The following ATG4C variants were observed in gnomAD, a reference collection of about 807,000 sequenced individuals.
ATG4C encodes cysteine protease ATG4C.
Under a neutral mutation model 57.6 loss-of-function variants are expected in ATG4C, and 56 were observed. The ratio of observed to expected loss-of-function variants is 0.97; its 90% confidence interval spans 0.78 to 1.21. ATG4C has a LOEUF of 1.21. ATG4C is among the 50% of genes most tolerant of loss of function. ATG4C has a pLI of 0.00. For missense variants in ATG4C, 595 were observed against 529.8 expected (o/e 1.12, Z -1.21); for synonymous variants, 157 against 174.1 (o/e 0.90, Z 0.78).
intron 1 of ATG4C, among the ~76,000 whole-genome samples, chr1:62,802,661 T>C (rs1160512869): frequency 6.6e-6 from 1 of 152,142 alleles, no homozygotes; most frequent in Non-Finnish European, 1.5e-5. Flanking sequence ...GCTCTTAGGA[T>C]AAAGAACAAA....
chr1:62,846,381 A>G (rs1367356562), intron 10 of ATG4C, among the ~76,000 whole-genome samples: 1 of 152,200 alleles, frequency 6.6e-6, no homozygotes, highest in Non-Finnish European at 1.5e-5. Context: ...GGAATAGCTT[A>G]GGGCTTATCC....
At chr1:62,788,064 T>G (rs1376777923) in intron 1 of ATG4C, among the ~76,000 whole-genome samples, 2 of 152,170 alleles carry the variant, frequency 1.3e-5, no homozygotes, top group Non-Finnish European at 2.9e-5. Flanking sequence ...GTTCTGAGAT[T>G]ATGTGTAGTT....
At chr1:62,837,968 G>GT (rs1666047565) in intron 9 of ATG4C, among the ~76,000 whole-genome samples, 1 of 152,098 alleles carries the variant, frequency 6.6e-6, no homozygotes, top group African/African-American at 2.4e-5. Flanking sequence ...TTATCAGTAG[G>GT]TACTTTTTAC....
At chr1:62,858,452 AT>A (rs1319144479) in intron 10 of ATG4C, among the ~76,000 whole-genome samples, 1 of 152,208 alleles carries the variant, frequency 6.6e-6, no homozygotes, top group Admixed American at 6.5e-5. Flanking sequence ...AACATGGATG[AT>A]AAGCCTAGCA....
chr1:62,841,607 C>T, intron 10 of ATG4C, 60 bp downstream of exon 10: 1 of 1,347,536 alleles, frequency 7.4e-7, no homozygotes, highest in Non-Finnish European at 1.0e-6. Context: ...AACAGACTGT[C>T]AGAAAGCAAA....
At chr1:62,821,583 C>G (rs955432165) in intron 6 of ATG4C, among the ~76,000 whole-genome samples, 1 of 152,090 alleles carries the variant, frequency 6.6e-6, no homozygotes, top group South Asian at 2.1e-4. Context: ...GAATATATTT[C>G]TCACTAATAC....
At chr1:62,797,972 A>T (rs1348136226) in intron 1 of ATG4C, among the ~76,000 whole-genome samples, 1 of 152,094 alleles carries the variant, frequency 6.6e-6, no homozygotes. Context: ...GGCGCGTGCC[A>T]CCACACCTGG....
At chr1:62,837,359 G>C (rs947043533) in intron 9 of ATG4C, among the ~76,000 whole-genome samples, 1 of 152,130 alleles carries the variant, frequency 6.6e-6, no homozygotes, top group Non-Finnish European at 1.5e-5. Flanking sequence ...GAGGAATGGA[G>C]CACATGGTTC....
rs550971713 is a variant in ATG4C, at chr1:62,810,039, G to C, written c.160+4784G>C. On this transcript the variant is annotated intron_variant, in intron 3 of 10. Coordinates refer to ENST00000317868, the MANE Select transcript of ATG4C (RefSeq NM_032852.4). ...AAAATAGAGAATATGTTTAACTTAC[G>C]ACCCAACATTTCTAAGACGCTTAAG... Among the ~76,000 whole-genome samples, 309 of 151,948 alleles carry C rather than the reference G, an allele frequency of 2.0e-3. 2 individuals are homozygous for C. The highest frequency in any genetic ancestry group is 0.012 in the Admixed American group (185 of 15,276).
At chr1:62,814,304 A>G (rs1327713152) in intron 3 of ATG4C, among the ~76,000 whole-genome samples, 1 of 152,198 alleles carries the variant, frequency 6.6e-6, no homozygotes, top group Admixed American at 6.5e-5. Flanking sequence ...AGGGACATGG[A>G]TGAAGCTGGA....
chr1:62,806,599 TAGA>T (rs1309310013), intron 3 of ATG4C, among the ~76,000 whole-genome samples: 1 of 151,556 alleles, frequency 6.6e-6, no homozygotes, highest in African/African-American at 2.4e-5. Context: ...ATGAGGGAAA[TAGA>T]AGACTTCTTT....
chr1:62,827,946 A>G (rs148050622), intron 6 of ATG4C, among the ~76,000 whole-genome samples: 154 of 152,292 alleles, frequency 1.0e-3, no homozygotes, highest in African/African-American at 3.2e-3. Flanking sequence ...TGCTAAGGAT[A>G]ATGGCCTCCA....
intron 9 of ATG4C, among the ~76,000 whole-genome samples, chr1:62,838,672 C>G (rs1666073892): frequency 6.6e-6 from 1 of 151,436 alleles, no homozygotes; most frequent in South Asian, 2.1e-4. Flanking sequence ...CCCAGCTACT[C>G]GAGAGGCTGA....
chr1:62,841,210 G>T lies in ATG4C; in HGVS notation c.1090-218G>T, dbSNP rs150723721. ...CAGAATGGCACTAATATCACAAAAG[G>T]TTGAAATTTGGTGAATTAAATATAT... On this transcript the variant is annotated intron_variant, in intron 9 of 10. Coordinates refer to ENST00000317868, the MANE Select transcript of ATG4C (RefSeq NM_032852.4). Among the ~76,000 whole-genome samples the T allele has an allele frequency of 1.4e-3, 214 of 152,232 alleles. 3 individuals are homozygous for T. In the East Asian group the frequency reaches 0.036, roughly 26 times the overall value.
chr1:62,798,660 T>C (rs1048029024), intron 1 of ATG4C, among the ~76,000 whole-genome samples: 1 of 152,084 alleles, frequency 6.6e-6, no homozygotes, highest in Non-Finnish European at 1.5e-5. Flanking sequence ...TTTTTTTTTT[T>C]TGGAGACAGA....
At chr1:62,817,098 T>A (rs1307327582) in intron 4 of ATG4C, among the ~76,000 whole-genome samples, 1 of 152,118 alleles carries the variant, frequency 6.6e-6, no homozygotes, top group Non-Finnish European at 1.5e-5. Flanking sequence ...TTAGTACCCT[T>A]TGGATTTTAT....
intron 7 of ATG4C, among the ~76,000 whole-genome samples, chr1:62,829,900 A>T (rs1057214810): frequency 2.0e-5 from 3 of 152,118 alleles, no homozygotes; most frequent in African/African-American, 7.2e-5. Flanking sequence ...TTGCAGCAAT[A>T]GTTGGAATTC....
At position 62,864,339 on chromosome 1, in the gene ATG4C, A is replaced by G; in HGVS notation, c.*180A>G. ...TTCTAAAAGAGAAATGATTTAATGA[A>G]TCTTGCTTTCTAATAAATAAATTGA... is the stretch of plus-strand genomic sequence containing the variant. On this transcript the variant is annotated 3_prime_UTR_variant, in exon 11 of 11. Transcript: ENST00000317868. 2.0e-6 allele frequency: 1 copy of G among 493,134 alleles called. No homozygotes were observed. 30.5% of individuals were successfully genotyped at this position (493,134 alleles called of 1,614,324 possible). A position where few individuals can be genotyped will look rare whatever the true frequency, so the allele number is the denominator to read the frequency against.
chr1:62,826,287 G>A (rs1010815978), intron 6 of ATG4C, among the ~76,000 whole-genome samples: 7 of 146,890 alleles, frequency 4.8e-5, no homozygotes, highest in Admixed American at 1.4e-4. Flanking sequence ...CCAGGCTGGA[G>A]TGCAGTGGTG....
Sources: gnomAD v4.1 joint callset for allele counts (sites outside exome capture counted in the v4.1 genomes callset) on GRCh38, gnomAD v4.1.1 for gene constraint, MANE v1.5 for transcripts, NCBI Gene and HGNC (gene_info 2026-07-23, HGNC 2026-07-21) for gene names.